GUCY1A2: variants seen among roughly 807,000 people sequenced by gnomAD.
GUCY1A2 encodes the protein guanylate cyclase 1 soluble subunit alpha 2, also known as guanylate cyclase soluble subunit alpha-2.
Under a neutral mutation model 63.5 loss-of-function variants are expected in GUCY1A2, and 27 were observed. That is an observed-to-expected ratio of 0.43 (90% confidence interval 0.31 to 0.59). GUCY1A2 has a LOEUF of 0.59. Ranked by LOEUF, GUCY1A2 falls within the 20% of genes least tolerant of loss-of-function variation. The pLI is 0.11. For synonymous variants in GUCY1A2, 364 were observed against 343.5 expected, an observed-to-expected ratio of 1.06 and a Z score of -0.66; for missense variants, 768 against 913.3, an observed-to-expected ratio of 0.84 and a Z score of 2.05.
rs563771752 is a variant in GUCY1A2 at position 106,897,839 on chromosome 11, A to T, written c.1206+41621T>A. On this transcript the variant is annotated intron_variant, in intron 4 of 7. Coordinates refer to ENST00000526355, the MANE Select transcript of GUCY1A2 (RefSeq NM_000855.3). Reference sequence around the variant, plus strand: ...AAGATGACAAAGGCATGATGTATTTAAAAAAATTGATGAACTTGACTTCAT... The same window carrying T: ...AAGATGACAAAGGCATGATGTATTTTAAAAAATTGATGAACTTGACTTCAT... 3.9e-5 allele frequency among the ~76,000 whole-genome samples: 6 copies of T among 152,198 alleles called. 1 individual carries two copies. The highest frequency in any genetic ancestry group is 1.4e-4 in the African/African-American group (6 of 41,554).
In GUCY1A2 at chr11:106,709,643, GAATATATA is replaced by G. The variant is rs1565264987; in HGVS notation, c.1837-985_1837-978del. Reference sequence around the variant, plus strand: ...CGTGTATATATTATATACACGTATAGAATATATAGTTATATACACGTATAGAATATATA... The same window carrying G: ...CGTGTATATATTATATACACGTATAGGTTATATACACGTATAGAATATATA... On this transcript the variant is annotated intron_variant, in intron 6 of 7. Coordinates refer to ENST00000526355, the MANE Select transcript of GUCY1A2 (RefSeq NM_000855.3). Among the ~76,000 whole-genome samples, 27 of 78,480 alleles carry G rather than the reference GAATATATA, an allele frequency of 3.4e-4. 1 individual carries two copies. Among genetic ancestry groups the G allele is most frequent in the African/African-American group, 1.9e-3 (25 of 13,194 alleles). 51.5% of individuals were successfully genotyped at this position (78,480 alleles called of 152,430 possible). A position where few individuals can be genotyped will look rare whatever the true frequency, so the allele number is the denominator to read the frequency against.
intron 6 of GUCY1A2, among the ~76,000 whole-genome samples, chr11:106,775,643 A>G (rs1864343754): frequency 6.6e-6 from 1 of 152,122 alleles, no homozygotes; most frequent in South Asian, 2.1e-4. Context: ...AATCTGCTAT[A>G]ATGCCAGAAC....
intron 6 of GUCY1A2, among the ~76,000 whole-genome samples, chr11:106,722,024 T>A (rs1365757725): frequency 5.3e-5 from 8 of 152,322 alleles, no homozygotes; most frequent in Middle Eastern, 3.4e-3. Flanking sequence ...TTGTATTGAG[T>A]AGGCAATCTT....
chr11:106,756,363 G>C (rs975857602), intron 6 of GUCY1A2, among the ~76,000 whole-genome samples: 1 of 152,162 alleles, frequency 6.6e-6, no homozygotes, highest in Admixed American at 6.5e-5. Flanking sequence ...GGTTAATACT[G>C]TTATGTGTGA....
At chr11:106,821,203 A>T (rs1858899028) in intron 4 of GUCY1A2, among the ~76,000 whole-genome samples, 1 of 152,134 alleles carries the variant, frequency 6.6e-6, no homozygotes, top group Non-Finnish European at 1.5e-5. Flanking sequence ...TGTTGTGCAA[A>T]TTTTCCAAAT....
intron 6 of GUCY1A2, among the ~76,000 whole-genome samples, chr11:106,722,836 T>G (rs1405361288): frequency 1.3e-5 from 2 of 151,906 alleles, no homozygotes; most frequent in Non-Finnish European, 1.5e-5. Flanking sequence ...CAATGTCAAT[T>G]TTAAGGAATC....
In GUCY1A2 at chr11:106,686,356, A is replaced by C. The variant is rs1158539256; in HGVS notation, c.*1193T>G. Reference sequence around the variant, plus strand: ...TTCATGAAAGTGATTCACTGAATTTAAAAGCCATATCAATCAAACTGCAGA... The same window carrying C: ...TTCATGAAAGTGATTCACTGAATTTCAAAGCCATATCAATCAAACTGCAGA... On this transcript the variant is annotated 3_prime_UTR_variant, in exon 8 of 8. Transcript: ENST00000526355. 1 of 220,740 alleles carries C rather than the reference A, an allele frequency of 4.5e-6. No individual in the cohort carries two copies. The highest frequency in any genetic ancestry group is 9.1e-6 in the Non-Finnish European group (1 of 110,252). The allele number at this position is 220,740 out of a possible 1,614,324, so 13.7% of individuals were successfully genotyped here.
Position 106,687,627 on chromosome 11 carries a change from C to T in GUCY1A2, c.2121G>A (p.Lys707=), listed in dbSNP as rs575193846. The T allele has an allele frequency of 2.5e-5, 41 of 1,613,936 alleles. 1 individual carries two copies. In the South Asian group the frequency reaches 4.3e-4, roughly 17 times the overall value. The change falls in exon 8 of 8, where the codon AAG becomes AAA. Residue 707 remains lysine, a synonymous_variant. Coordinates refer to ENST00000526355, the MANE Select transcript of GUCY1A2 (RefSeq NM_000855.3). The part of the protein sequence containing the change: ...LEVRTGPKPP[K]PSLSSSRIKK... The stretch of plus-strand genomic sequence containing the variant: ...TTATTCTCGACGAAGAAAGAGAAGG[C>T]TTTGGTGGCTTTGGACCAGTCCTTA...
At chr11:106,751,440 C>A (rs1037874287) in intron 6 of GUCY1A2, among the ~76,000 whole-genome samples, 7 of 151,198 alleles carry the variant, frequency 4.6e-5, no homozygotes, top group African/African-American at 1.4e-4. Context: ...TGCATCAAAT[C>A]ATTAAATAGC....
chr11:106,682,238 A>G lies in GUCY1A2; in HGVS notation c.*5311T>C. ...GAAATAATGGTATGAGGCCTAGAGT[A>G]TTTAACTTTTCAAAATAACTACAAA... On this transcript the variant is annotated 3_prime_UTR_variant, in exon 8 of 8. Coordinates refer to ENST00000526355, the MANE Select transcript of GUCY1A2 (RefSeq NM_000855.3). 1 of 214,280 alleles carries G rather than the reference A, an allele frequency of 4.7e-6. No individual in the cohort carries two copies. Among genetic ancestry groups the G allele is most frequent in the Non-Finnish European group, 9.4e-6 (1 of 106,308 alleles). The allele number at this position is 214,280 out of a possible 1,614,324, so 13.3% of individuals were successfully genotyped here.
At chr11:106,795,837 A>C (rs1483808228) in intron 5 of GUCY1A2, among the ~76,000 whole-genome samples, 1 of 152,144 alleles carries the variant, frequency 6.6e-6, no homozygotes, top group Non-Finnish European at 1.5e-5. Context: ...TTTCCTAGCA[A>C]ACTACATATA....
intron 4 of GUCY1A2, among the ~76,000 whole-genome samples, chr11:106,872,061 A>G (rs1859686454): frequency 6.6e-6 from 1 of 152,162 alleles, no homozygotes; most frequent in Non-Finnish European, 1.5e-5. Context: ...TAAGTTACAC[A>G]GGATTAAAAA....
intron 4 of GUCY1A2, among the ~76,000 whole-genome samples, chr11:106,936,261 T>A (rs1860675789): frequency 6.6e-6 from 1 of 152,226 alleles, no homozygotes; most frequent in African/African-American, 2.4e-5. Flanking sequence ...CATCTCAAAT[T>A]TACCACAATG....
chr11:106,922,130 C>T (rs1188997999), intron 4 of GUCY1A2, among the ~76,000 whole-genome samples: 2 of 152,086 alleles, frequency 1.3e-5, no homozygotes, highest in Non-Finnish European at 2.9e-5. Flanking sequence ...TATCAGCAGA[C>T]GAGGGTGCTA....
intron 4 of GUCY1A2, among the ~76,000 whole-genome samples, chr11:106,873,633 A>C (rs1437077537): frequency 6.6e-6 from 1 of 151,854 alleles, no homozygotes; most frequent in African/African-American, 2.4e-5. Context: ...TTTTTCTTGT[A>C]AATTTGTTTA....
intron 6 of GUCY1A2, among the ~76,000 whole-genome samples, chr11:106,724,469 G>C (rs954088445): frequency 3.9e-5 from 6 of 152,060 alleles, no homozygotes; most frequent in Admixed American, 3.3e-4. Context: ...ACTCTCTCTG[G>C]TCACCTGCCC....
At chr11:106,912,466 C>A (rs373718418) in intron 4 of GUCY1A2, among the ~76,000 whole-genome samples, 5 of 152,146 alleles carry the variant, frequency 3.3e-5, no homozygotes, top group Non-Finnish European at 7.4e-5. Context: ...AATATGTTCT[C>A]CCCAGAACCA....
intron 5 of GUCY1A2, 60 bp downstream of exon 5, chr11:106,809,933 A>T: frequency 1.9e-6 from 2 of 1,034,032 alleles, no homozygotes; most frequent in Non-Finnish European, 2.7e-6. Context: ...AAATCAATTT[A>T]ATTCACATGA....
rs1431426521 is a variant in GUCY1A2, at chr11:106,682,150, A to AGATTCAT, written c.*5392_*5398dup. On this transcript the variant is annotated 3_prime_UTR_variant, in exon 8 of 8. Transcript: ENST00000526355. ...TGTTGACGTCTGTCTCTAAGTTTGA[A>AGATTCAT]GATTCATGCTCAGAAAGAAGACCAC... is the stretch of plus-strand genomic sequence containing the variant. The AGATTCAT allele has an allele frequency of 4.7e-6, 1 of 210,682 alleles. No individual in the cohort carries two copies. The highest frequency in any genetic ancestry group is 2.3e-5 in the African/African-American group (1 of 43,072). The allele number at this position is 210,682 out of a possible 1,614,324, so 13.1% of individuals were successfully genotyped here. A position where few individuals can be genotyped will look rare whatever the true frequency, so the allele number is the denominator to read the frequency against.
Sources: gnomAD v4.1 joint callset for allele counts (sites outside exome capture counted in the v4.1 genomes callset) on GRCh38, gnomAD v4.1.1 for gene constraint, MANE v1.5 for transcripts, NCBI Gene and HGNC (gene_info 2026-07-23, HGNC 2026-07-21) for gene names.